FH: variants seen among roughly 807,000 people sequenced by gnomAD.
FH encodes fumarate hydratase.
FH carries 22 observed loss-of-function variants against 49.4 expected under a neutral mutation model. The observed-to-expected ratio is 0.45, with a 90% CI of 0.32 to 0.64. FH has a LOEUF of 0.64. Among genes scored for constraint, FH ranks in the 30% least tolerant of loss-of-function variants. The pLI, the probability that FH is intolerant of heterozygous loss-of-function variation, is 0.05. For missense variants in FH, 526 were observed against 641.5 expected (o/e 0.82, Z 1.95); for synonymous variants, 208 against 223.0 (o/e 0.93, Z 0.60).
intron 9 of FH, 119 bp downstream of exon 9, chr1:241,500,318 C>T (rs1659737484): frequency 2.1e-6 from 2 of 971,882 alleles, no homozygotes; most frequent in Non-Finnish European, 3.2e-6. Flanking sequence ...TGAGATTTTA[C>T]TAAAACCATA....
At chr1:241,500,639 G>GAGAGAGAGAGAGAGAT (rs766845458) in intron 8 of FH, 49 bp from the exon 9 acceptor site, 1 of 1,581,930 alleles carries the variant, frequency 6.3e-7, no homozygotes, top group African/African-American at 1.4e-5. Flanking sequence ...GAGAGAGAGA[G>GAGAGAGAGAGAGAGAT]ACATTACTAA....
At chr1:241,503,651 C>A (rs185473867) in intron 7 of FH, among the ~76,000 whole-genome samples, 4 of 152,342 alleles carry the variant, frequency 2.6e-5, no homozygotes, top group Middle Eastern at 6.8e-3. Flanking sequence ...GACTATCATG[C>A]GAATCTATCA....
intron 9 of FH, among the ~76,000 whole-genome samples, chr1:241,498,713 A>ATGT (rs2147911908): frequency 1.3e-5 from 1 of 78,532 alleles, no homozygotes; most frequent in East Asian, 5.0e-4. Flanking sequence ...ATATATATAT[A>ATGT]TATATATATA....
intron 1 of FH, among the ~76,000 whole-genome samples, chr1:241,517,808 CTA>C (rs1292197449): frequency 6.6e-6 from 1 of 151,990 alleles, no homozygotes; most frequent in Non-Finnish European, 1.5e-5. Context: ...TATATAAACA[CTA>C]TATATATGCC....
intron 5 of FH, among the ~76,000 whole-genome samples, chr1:241,507,220 T>C (rs1429295237): frequency 2.0e-5 from 3 of 152,212 alleles, no homozygotes; most frequent in Non-Finnish European, 4.4e-5. Flanking sequence ...TGTGTTACGA[T>C]TGCCTATTGT....
At chr1:241,499,535 A>G (rs1659714128) in intron 9 of FH, among the ~76,000 whole-genome samples, 1 of 152,206 alleles carries the variant, frequency 6.6e-6, no homozygotes, top group Non-Finnish European at 1.5e-5. Flanking sequence ...AGCTACCTAA[A>G]AGAGTCAAAT....
rs537296741 is a variant in FH at position 241,514,877 on chromosome 1, TAACA to T, written c.268-1168_268-1165del. ...CAAATGGGAATTTAAATCTCCACAG[TAACA>T]AACACTGAGGTAGTGGGCTGAACCA... On this transcript the variant is annotated intron_variant, in intron 2 of 9. Coordinates refer to ENST00000366560, the MANE Select transcript of FH (RefSeq NM_000143.4). Among the ~76,000 whole-genome samples, 9 of 152,238 alleles carry T rather than the reference TAACA, an allele frequency of 5.9e-5. No homozygotes were observed. The East Asian group carries it at 1.4e-3, about 23-fold the overall frequency.
chr1:241,517,276 C>T lies in FH; in HGVS notation c.173G>A (p.Gly58Asp). Residue 58 changes from glycine to aspartate, a missense_variant, in exon 2 of 10, where the codon GGT becomes GAT. Physicochemically the swap from Gly to Asp is moderately conservative, Grantham distance 94. This residue lies in a region of FH where 143 missense variants were observed against 127.5 expected (regional missense o/e 1.12). Transcript: ENST00000366560. ...CTTATCATTTGGCACCTTTAGTTCA[C>T]CAAAGGTATCATATTCTATCCGGAA... ...NSFRIEYDTF[G>D]ELKVPNDKYY... The T allele has an allele frequency of 6.2e-7, 1 of 1,614,074 alleles. No individual in the cohort carries two copies. Among genetic ancestry groups the T allele is most frequent in the Non-Finnish European group, 8.5e-7 (1 of 1,180,018 alleles).
chr1:241,514,977 T>C (rs1251557845), intron 2 of FH, among the ~76,000 whole-genome samples: 1 of 152,166 alleles, frequency 6.6e-6, no homozygotes, highest in Non-Finnish European at 1.5e-5. Flanking sequence ...CCAGTGTTTA[T>C]GGACCATAAA....
intron 4 of FH, among the ~76,000 whole-genome samples, chr1:241,510,220 G>T (rs1660049434): frequency 6.6e-6 from 1 of 152,086 alleles, no homozygotes; most frequent in African/African-American, 2.4e-5. Flanking sequence ...TTTCCAATAA[G>T]AATTCTCCAA....
At chr1:241,499,441 T>C (rs1011871372) in intron 9 of FH, among the ~76,000 whole-genome samples, 3 of 152,342 alleles carry the variant, frequency 2.0e-5, no homozygotes, top group South Asian at 2.1e-4. Flanking sequence ...CCAGATGTAG[T>C]TGATGTACCA....
intron 6 of FH, among the ~76,000 whole-genome samples, chr1:241,505,408 G>C (rs1256839528): frequency 6.6e-6 from 1 of 152,072 alleles, no homozygotes; most frequent in Non-Finnish European, 1.5e-5. Flanking sequence ...TTAAAATATG[G>C]TTTAAAGACA....
rs749316923 is a variant in FH, at chr1:241,504,101, C to T, written c.1049G>A (p.Arg350Gln). Reference protein sequence around the residue: ...NDIRFLGSGPRSGLGELILPE... With the variant: ...NDIRFLGSGPQSGLGELILPE... ...CAAGATCAATTCTCCCAGACCTGAC[C>T]GAGGACCAGAACCCAAAAATCGAAT... Residue 350 changes from arginine (R) to glutamine (Q), a missense_variant, in exon 7 of 10, where the codon CGG (arginine) becomes CAG (glutamine). This residue lies in a region of FH where 383 missense variants were observed against 514.0 expected (regional missense o/e 0.75). Transcript: ENST00000366560. 2.2e-5 allele frequency: 35 copies of T among 1,614,072 alleles called. No individual in the cohort carries two copies. The highest frequency in any genetic ancestry group is 3.3e-5 in the South Asian group (3 of 91,082).
At chr1:241,511,076 A>T (rs1444516674) in intron 4 of FH, among the ~76,000 whole-genome samples, 1 of 152,234 alleles carries the variant, frequency 6.6e-6, no homozygotes, top group African/African-American at 2.4e-5. Flanking sequence ...CACTGCTTTC[A>T]AAGTGTCAAG....
At chr1:241,502,313 G>A in intron 8 of FH, 130 bp downstream of exon 8, 1 of 957,596 alleles carries the variant, frequency 1.0e-6, no homozygotes, top group South Asian at 1.4e-5. Context: ...CTTAATAAAT[G>A]CTTGACTTCC....
At chr1:241,515,743 C>T (rs1050007515) in intron 2 of FH, among the ~76,000 whole-genome samples, 5 of 152,210 alleles carry the variant, frequency 3.3e-5, no homozygotes, top group Non-Finnish European at 5.9e-5. Context: ...TCCGGTTGGG[C>T]TCCCGTAGAA....
chr1:241,515,824 G>A (rs1275039787), intron 2 of FH, among the ~76,000 whole-genome samples: 42 of 152,028 alleles, frequency 2.8e-4, no homozygotes, highest in Admixed American at 2.8e-3. Flanking sequence ...TGTAATCAAT[G>A]GTAAGTCACA....
rs1064793741 is a variant in FH, at chr1:241,513,715, T to C, written c.268-2A>G. 2.5e-6 allele frequency: 4 copies of C among 1,610,706 alleles called. No homozygotes were observed. Among genetic ancestry groups the C allele is most frequent in the Non-Finnish European group, 3.4e-6 (4 of 1,176,878 alleles). On this transcript the variant is annotated splice_acceptor_variant, in intron 2 of 9. Coordinates refer to ENST00000366560, the MANE Select transcript of FH (RefSeq NM_000143.4). LOFTEE classifies it high-confidence loss of function. The stretch of plus-strand genomic sequence containing the variant: ...GCCAAAAGCTTTAATAACTGGGGTC[T>C]AAAATTAATCAGAAAAATATTTCAA...
chr1:241,502,420 TA>T (rs755041218), intron 8 of FH, 22 bp downstream of exon 8: 1 of 1,613,632 alleles, frequency 6.2e-7, no homozygotes, highest in Non-Finnish European at 8.5e-7. Context: ...CAAAAAACAT[TA>T]AAAATCAGAT....
Sources: gnomAD v4.1 joint callset for allele counts (sites outside exome capture counted in the v4.1 genomes callset) on GRCh38, gnomAD v4.1.1 for gene constraint, gnomAD v4.1.1 regional missense constraint, MANE v1.5 for transcripts, NCBI Gene and HGNC (gene_info 2026-07-23, HGNC 2026-07-21) for gene names.